The following PGRMC2 variants were observed in gnomAD, a reference collection of about 807,000 sequenced individuals.
PGRMC2 encodes membrane-associated progesterone receptor component 2.
Under a neutral mutation model 19.3 loss-of-function variants are expected in PGRMC2, and 9 were observed. That is an observed-to-expected ratio of 0.47 (90% CI 0.28 to 0.81). PGRMC2 has a LOEUF of 0.81. Among genes scored for constraint, PGRMC2 ranks in the 40% least tolerant of loss-of-function variants. PGRMC2 has a pLI of 0.11. For synonymous variants in PGRMC2, 157 were observed against 124.6 expected (o/e 1.26, Z -1.73); for missense variants, 289 against 297.3 (o/e 0.97, Z 0.21).
chr4:128,269,766 G>C lies in PGRMC2; in HGVS notation c.*1550C>G, dbSNP rs1036019814. The C allele has an allele frequency of 6.6e-6, 1 of 152,156 alleles. No individual in the cohort carries two copies. Among genetic ancestry groups the C allele is most frequent in the African/African-American group, 2.4e-5 (1 of 41,438 alleles). The allele number at this position is 152,156 out of a possible 1,614,324, so 9.4% of individuals were successfully genotyped here. A position where few individuals can be genotyped will look rare whatever the true frequency, so the allele number is the denominator to read the frequency against. ...TTGATATATGAGGGGCTTTTAGTAA[G>C]GGCTTTTTCAACCTAATAAAATAAT... On this transcript the variant is annotated 3_prime_UTR_variant, in exon 3 of 3. Transcript: ENST00000296425.
At chr4:128,285,411 G>A (rs1462631072) in intron 1 of PGRMC2, among the ~76,000 whole-genome samples, 1 of 152,222 alleles carries the variant, frequency 6.6e-6, no homozygotes, top group East Asian at 1.9e-4. Context: ...TTACAGGCAT[G>A]AACCACCACG....
intron 1 of PGRMC2, among the ~76,000 whole-genome samples, chr4:128,280,353 G>GTTAA: frequency 8.3e-6 from 1 of 120,554 alleles, no homozygotes; most frequent in Admixed American, 9.8e-5. Context: ...AATTTTCTGG[G>GTTAA]AAAAAAAAAA....
At chr4:128,277,540 T>C (rs1008450666) in intron 1 of PGRMC2, among the ~76,000 whole-genome samples, 1 of 152,226 alleles carries the variant, frequency 6.6e-6, no homozygotes, top group Non-Finnish European at 1.5e-5. Context: ...TTAAAAACCA[T>C]ATCTCTCAGA....
chr4:128,277,492 T>C (rs995919237), intron 1 of PGRMC2, among the ~76,000 whole-genome samples: 8 of 152,176 alleles, frequency 5.3e-5, no homozygotes, highest in African/African-American at 1.9e-4. Flanking sequence ...ATAGCTACCT[T>C]AGTGTTTCTA....
intron 1 of PGRMC2, among the ~76,000 whole-genome samples, chr4:128,275,927 A>G (rs1167065166): frequency 6.6e-6 from 1 of 152,020 alleles, no homozygotes; most frequent in African/African-American, 2.4e-5. Context: ...AGGTCTCCCT[A>G]TGTTGCCCAG....
At position 128,287,490 on chromosome 4, in the gene PGRMC2, G is replaced by A. The variant is rs767532332; in HGVS notation, c.301C>T (p.Arg101Trp). 5.0e-6 allele frequency: 8 copies of A among 1,613,178 alleles called. No homozygotes were observed. Among genetic ancestry groups the A allele is most frequent in the Non-Finnish European group, 5.9e-6 (7 of 1,179,658 alleles). ...PATSLPRMKK[R>W]DFSLEQLRQY... The stretch of plus-strand genomic sequence containing the variant: ...CGCAGCTGCTCCAAGCTGAAGTCCC[G>A]CTTCTTCATGCGAGGCAGAGAGGTG... Residue 101 changes from arginine (R) to tryptophan (W), a missense_variant, in exon 1 of 3, where the codon CGG becomes TGG. Transcript: ENST00000296425.
intron 1 of PGRMC2, among the ~76,000 whole-genome samples, chr4:128,277,391 A>G (rs1760829512): frequency 6.6e-6 from 1 of 152,230 alleles, no homozygotes; most frequent in Admixed American, 6.5e-5. Context: ...CTCATTGTAA[A>G]ATGTTTTAAA....
At chr4:128,271,735 G>A (rs1370130436) in intron 2 of PGRMC2, among the ~76,000 whole-genome samples, 1 of 152,202 alleles carries the variant, frequency 6.6e-6, no homozygotes, top group Non-Finnish European at 1.5e-5. Flanking sequence ...ACCCATCTCA[G>A]TACCCAGCTA....
At chr4:128,277,862 A>C (rs1760836235) in intron 1 of PGRMC2, among the ~76,000 whole-genome samples, 1 of 152,226 alleles carries the variant, frequency 6.6e-6, no homozygotes, top group Non-Finnish European at 1.5e-5. Flanking sequence ...ACAATCAACA[A>C]GTCTCGATTT....
At chr4:128,279,903 A>G (rs1216784043) in intron 1 of PGRMC2, among the ~76,000 whole-genome samples, 1 of 152,184 alleles carries the variant, frequency 6.6e-6, no homozygotes, top group African/African-American at 2.4e-5. Flanking sequence ...AGTTGTGGGA[A>G]GTAGACTTAT....
chr4:128,276,997 A>G (rs1344168621), intron 1 of PGRMC2, among the ~76,000 whole-genome samples: 1 of 152,242 alleles, frequency 6.6e-6, no homozygotes, highest in African/African-American at 2.4e-5. Context: ...TCTACTAAAA[A>G]ATACAAAAAA....
At chr4:128,272,280 G>A (rs2110557814) in intron 2 of PGRMC2, 82 bp downstream of exon 2, 1 of 787,372 alleles carries the variant, frequency 1.3e-6, no homozygotes, top group East Asian at 3.2e-5. Flanking sequence ...GACATCCTTA[G>A]GCTCTTAAAG....
At position 128,287,427 on chromosome 4, in the gene PGRMC2, C is replaced by A; in HGVS notation, c.364G>T (p.Ala122Ser). 2 of 1,613,060 alleles carry A rather than the reference C, an allele frequency of 1.2e-6. No homozygotes were observed. Among genetic ancestry groups the A allele is most frequent in the Non-Finnish European group, 1.7e-6 (2 of 1,179,256 alleles). Residue 122 changes from alanine to serine, a missense_variant, in exon 1 of 3, where the codon GCG becomes TCG. Transcript: ENST00000296425. The part of the protein sequence containing the change: ...DGSRNPRILL[A>S]VNGKVFDVTK... ...ACGTCGAAGACTTTCCCATTGACCG[C>A]GAGCAGGATGCGCGGGTTGCGGGAG... is the stretch of plus-strand genomic sequence containing the variant.
At position 128,269,247 on chromosome 4, in the gene PGRMC2, G is replaced by A. The variant is rs1760688616; in HGVS notation, c.*2069C>T. 1 of 152,004 alleles carries A rather than the reference G, an allele frequency of 6.6e-6. No individual in the cohort carries two copies. The highest frequency in any genetic ancestry group is 1.5e-5 in the Non-Finnish European group (1 of 68,002). 9.4% of individuals were successfully genotyped at this position (152,004 alleles called of 1,614,324 possible). A position where few individuals can be genotyped will look rare whatever the true frequency, so the allele number is the denominator to read the frequency against. On this transcript the variant is annotated 3_prime_UTR_variant, in exon 3 of 3. Transcript: ENST00000296425. ...TGAGAAACATTCAACTGAAGTTGAG[G>A]AATTATCTACAGAACACTGTTTATT...
chr4:128,275,989 G>A (rs1405669105), intron 1 of PGRMC2, among the ~76,000 whole-genome samples: 2 of 152,172 alleles, frequency 1.3e-5, no homozygotes, highest in Non-Finnish European at 2.9e-5. Context: ...GCCTCCCAAA[G>A]TGTTAGAATT....
Position 128,277,135 on chromosome 4 carries a change from C to T in PGRMC2, c.419-4618G>A, listed in dbSNP as rs566672936. Among the ~76,000 whole-genome samples, 10 of 151,710 alleles carry T rather than the reference C, an allele frequency of 6.6e-5. No homozygotes were observed. The South Asian group carries it at 1.0e-3, about 16-fold the overall frequency. ...TCTCGCCACTGCACACCAGCCTAGG[C>T]GACAGAGCGAGACTCCATCTCAAAA... is the stretch of plus-strand genomic sequence containing the variant. On this transcript the variant is annotated intron_variant, in intron 1 of 2. Coordinates refer to ENST00000296425, the MANE Select transcript of PGRMC2 (RefSeq NM_006320.6).
At chr4:128,285,996 TCTC>T (rs1200662999) in intron 1 of PGRMC2, among the ~76,000 whole-genome samples, 6 of 151,600 alleles carry the variant, frequency 4.0e-5, no homozygotes, top group African/African-American at 9.7e-5. Context: ...ACACCAAAAA[TCTC>T]CTATTTCTTA....
rs752745671 is a variant in PGRMC2 at position 128,287,682 on chromosome 4, C to T, written c.109G>A (p.Gly37Arg). The stretch of plus-strand genomic sequence containing the variant: ...AACGCCGCCGCCGCCCAGCCTCCCC[C>T]TTCCGCTGCCGCTCCCGCGTCGCCT... ...SPGDAGAAAEGGGWAAAALAL... is the reference protein window; with the variant it reads ...SPGDAGAAAERGGWAAAALAL... The change falls in exon 1 of 3, where the codon GGG becomes AGG. Residue 37 changes from glycine (G) to arginine (R), a missense_variant. Coordinates refer to ENST00000296425, the MANE Select transcript of PGRMC2 (RefSeq NM_006320.6). 2.6e-6 allele frequency: 4 copies of T among 1,531,720 alleles called. No individual in the cohort carries two copies. The highest frequency in any genetic ancestry group is 2.7e-5 in the African/African-American group (2 of 72,864). 94.9% of individuals were successfully genotyped at this position (1,531,720 alleles called of 1,614,324 possible).
chr4:128,275,431 A>T lies in PGRMC2; in HGVS notation c.419-2914T>A, dbSNP rs189807673. 3.0e-4 allele frequency among the ~76,000 whole-genome samples: 45 copies of T among 152,286 alleles called. 2 individuals are homozygous for T. Among genetic ancestry groups the T allele is most frequent in the South Asian group, 2.1e-4 (1 of 4,822 alleles). Reference sequence around the variant, plus strand: ...AACACTGAATGAATAATAATAATAAAAAATTTCATAAAATATGCTCTTTCT... The same window carrying T: ...AACACTGAATGAATAATAATAATAATAAATTTCATAAAATATGCTCTTTCT... On this transcript the variant is annotated intron_variant, in intron 1 of 2. Coordinates refer to ENST00000296425, the MANE Select transcript of PGRMC2 (RefSeq NM_006320.6).
Sources: allele counts gnomAD v4.1 joint callset (sites outside exome capture counted in the v4.1 genomes callset), GRCh38; gene constraint gnomAD v4.1.1; transcripts MANE v1.5; gene names NCBI Gene and HGNC (gene_info 2026-07-23, HGNC 2026-07-21).